The following RCC1 variants were observed in gnomAD, a reference collection of about 807,000 sequenced individuals.
RCC1 encodes regulator of chromosome condensation 1.
A neutral mutation model predicts 44.4 loss-of-function variants in RCC1; 11 were observed. That is an observed-to-expected ratio of 0.25 (90% confidence interval 0.16 to 0.41). RCC1 has a LOEUF of 0.41. Among genes scored for constraint, RCC1 ranks in the 10% least tolerant of loss-of-function variants. The pLI, the probability that RCC1 is intolerant of heterozygous loss-of-function variation, is 1.00. For synonymous variants in RCC1, 213 were observed against 216.5 expected (o/e 0.98, Z 0.14); for missense variants, 386 against 547.1 (o/e 0.71, Z 2.94).
chr1:28,513,286 C>T (rs1259483555), intron 3 of RCC1, among the ~76,000 whole-genome samples: 1 of 152,082 alleles, frequency 6.6e-6, no homozygotes, highest in African/African-American at 2.4e-5. Flanking sequence ...CCTCTGCCTC[C>T]CAGGTTCAAG....
intron 4 of RCC1, among the ~76,000 whole-genome samples, chr1:28,526,074 C>T (rs561846021): frequency 1.3e-5 from 2 of 152,204 alleles, no homozygotes; most frequent in East Asian, 1.9e-4. Flanking sequence ...CGCTTGAGCC[C>T]AGGAGTTCTA....
intron 3 of RCC1, chr1:28,509,502 G>T (rs891508033): frequency 6.5e-6 from 1 of 153,184 alleles, no homozygotes; most frequent in East Asian, 1.9e-4. Context: ...GCCTCCTAAA[G>T]TGCTGGGATT....
chr1:28,511,687 A>G (rs1662553690), intron 3 of RCC1, among the ~76,000 whole-genome samples: 1 of 142,296 alleles, frequency 7.0e-6, no homozygotes, highest in Non-Finnish European at 1.5e-5. Context: ...TTTGAGATCT[A>G]ATCTCACTCT....
At chr1:28,523,952 G>A (rs1307108261) in intron 4 of RCC1, among the ~76,000 whole-genome samples, 1 of 152,186 alleles carries the variant, frequency 6.6e-6, no homozygotes, top group Admixed American at 6.5e-5. Flanking sequence ...GAGTAGCTGG[G>A]ATTACAGCAC....
At chr1:28,514,427 G>C (rs971864058) in intron 3 of RCC1, among the ~76,000 whole-genome samples, 1 of 150,374 alleles carries the variant, frequency 6.7e-6, no homozygotes, top group African/African-American at 2.5e-5. Flanking sequence ...TCCAGCCTGG[G>C]CGACAGAGCG....
At chr1:28,519,818 C>A (rs542079664) in intron 4 of RCC1, among the ~76,000 whole-genome samples, 2 of 151,658 alleles carry the variant, frequency 1.3e-5, no homozygotes, top group Non-Finnish European at 2.9e-5. Context: ...GGTGATCCAC[C>A]TGCCTCAGCC....
chr1:28,518,535 G>A (rs1368198230), intron 4 of RCC1: 3 of 148,860 alleles, frequency 2.0e-5, no homozygotes, highest in Non-Finnish European at 3.0e-5. Context: ...TGCCTCGCTG[G>A]AGCTAGGGCC....
At chr1:28,523,895 C>T (rs1196015295) in intron 4 of RCC1, among the ~76,000 whole-genome samples, 6 of 152,212 alleles carry the variant, frequency 3.9e-5, no homozygotes, top group African/African-American at 9.6e-5. Flanking sequence ...CGGCTTACCA[C>T]AACCTCCACT....
chr1:28,513,193 C>A (rs891638645), intron 3 of RCC1, among the ~76,000 whole-genome samples: 2 of 152,086 alleles, frequency 1.3e-5, no homozygotes, highest in East Asian at 3.9e-4. Flanking sequence ...CGCACCACCA[C>A]GCCCAGCTAA....
At chr1:28,535,466 C>T in intron 9 of RCC1, 86 bp downstream of exon 9, 4 of 1,583,080 alleles carry the variant, frequency 2.5e-6, no homozygotes, top group Admixed American at 1.7e-5. Context: ...TTGCTGTGGT[C>T]AGGCTTGCAT....
chr1:28,530,748 A>G (rs1251900625), intron 5 of RCC1: 6 of 656,510 alleles, frequency 9.1e-6, no homozygotes, highest in African/African-American at 3.8e-5. Flanking sequence ...TGGCCCACAG[A>G]GAGCCCCGGG....
intron 1 of RCC1, chr1:28,506,289 A>T: frequency 2.3e-6 from 1 of 443,406 alleles, no homozygotes; most frequent in Non-Finnish European, 4.5e-6. Flanking sequence ...GGTTCAAGCG[A>T]TTCTCGTGCC....
intron 7 of RCC1, among the ~76,000 whole-genome samples, chr1:28,534,382 C>T (rs1017146376): frequency 5.9e-5 from 9 of 152,050 alleles, no homozygotes; most frequent in Non-Finnish European, 1.3e-4. Context: ...GGCATTTCAC[C>T]GTGTTAGCCG....
intron 4 of RCC1, among the ~76,000 whole-genome samples, chr1:28,521,474 T>G (rs1381710815): frequency 7.3e-6 from 1 of 136,748 alleles, no homozygotes; most frequent in Non-Finnish European, 1.5e-5. Context: ...GCCTCCAGAC[T>G]GGGCGACAGA....
chr1:28,536,675 C>T lies in RCC1; in HGVS notation c.938-72C>T. On this transcript the variant is annotated intron_variant, in intron 11 of 12. Transcript: ENST00000683442. The surrounding 1 kb of genome is among the most constrained non-coding windows in gnomAD (Gnocchi z 4.9). Reference sequence around the variant, plus strand: ...ACACACTCCCATGGACAGGTGGACTCACCTAGCCTGCCACCCATTTTGCCT... The same window carrying T: ...ACACACTCCCATGGACAGGTGGACTTACCTAGCCTGCCACCCATTTTGCCT... 1 of 1,553,496 alleles carries T rather than the reference C, an allele frequency of 6.4e-7. No homozygotes were observed. Among genetic ancestry groups the T allele is most frequent in the Non-Finnish European group, 8.8e-7 (1 of 1,137,500 alleles).
intron 4 of RCC1, among the ~76,000 whole-genome samples, chr1:28,526,096 G>A (rs1036771496): frequency 2.0e-5 from 3 of 152,016 alleles, no homozygotes. Flanking sequence ...ACCAGCCTGG[G>A]CAACTTGGCA....
At chr1:28,534,761 C>T (rs146402832) in intron 7 of RCC1, among the ~76,000 whole-genome samples, 4 of 152,336 alleles carry the variant, frequency 2.6e-5, no homozygotes, top group African/African-American at 9.6e-5. Flanking sequence ...GCATGAATTA[C>T]CATGCCTGGC....
At chr1:28,507,848 G>T in intron 1 of RCC1, 2 of 301,344 alleles carry the variant, frequency 6.6e-6, no homozygotes, top group East Asian at 1.8e-4. Context: ...CTTGTGATCC[G>T]CCAGCCTCTG....
At chr1:28,523,341 C>T (rs573545105) in intron 4 of RCC1, among the ~76,000 whole-genome samples, 1 of 152,246 alleles carries the variant, frequency 6.6e-6, no homozygotes, top group East Asian at 1.9e-4. Flanking sequence ...TAATAACACT[C>T]AAGGACGCCA....
Sources: gnomAD v4.1 joint callset for allele counts (sites outside exome capture counted in the v4.1 genomes callset) on GRCh38, gnomAD v4.1.1 for gene constraint, Gnocchi (gnomAD v3.1) non-coding constraint, MANE v1.5 for transcripts, NCBI Gene and HGNC (gene_info 2026-07-23, HGNC 2026-07-21) for gene names.